Variants in RIMS1 observed in about 807,000 individuals in gnomAD.
RIMS1 encodes the protein regulating synaptic membrane exocytosis protein 1.
Under a neutral mutation model 214.1 loss-of-function variants are expected in RIMS1, and 83 were observed. The ratio of observed to expected loss-of-function variants is 0.39; its 90% CI spans 0.32 to 0.47. The LOEUF is 0.47. Among genes scored for constraint, RIMS1 ranks in the 20% least tolerant of loss-of-function variants. The pLI, the probability that RIMS1 is intolerant of heterozygous loss-of-function variation, is 0.99. For missense variants in RIMS1, 2,050 were observed against 2,161.8 expected, an observed-to-expected ratio of 0.95 and a Z score of 1.03; for synonymous variants, 793 against 786.8, an observed-to-expected ratio of 1.01 and a Z score of -0.13.
chr6:72,250,837 A>G (rs953223220), intron 13 of RIMS1, 84 bp from the exon 14 acceptor site: 15 of 694,504 alleles, frequency 2.2e-5, no homozygotes, highest in Non-Finnish European at 3.3e-5. Context: ...AATAATATAA[A>G]TATCAATGGC....
intron 2 of RIMS1, among the ~76,000 whole-genome samples, chr6:71,988,825 A>T (rs2151574443): frequency 6.6e-6 from 1 of 152,326 alleles, no homozygotes; most frequent in East Asian, 1.9e-4. Context: ...AAACATAGGA[A>T]TGGGATATTT....
intron 4 of RIMS1, among the ~76,000 whole-genome samples, chr6:72,139,710 AG>A (rs2041850869): frequency 6.6e-6 from 1 of 152,116 alleles, no homozygotes; most frequent in Non-Finnish European, 1.5e-5. Flanking sequence ...TAATATATAT[AG>A]TTCTTTATTT....
intron 1 of RIMS1, among the ~76,000 whole-genome samples, chr6:71,952,830 A>G (rs1790045372): frequency 6.6e-6 from 1 of 152,104 alleles, no homozygotes; most frequent in South Asian, 2.1e-4. Context: ...ATGCTTCCTC[A>G]GGTTGGCTGG....
chr6:72,127,862 C>T (rs781198811), intron 4 of RIMS1, among the ~76,000 whole-genome samples: 14 of 152,170 alleles, frequency 9.2e-5, no homozygotes, highest in African/African-American at 2.4e-4. Flanking sequence ...ATAAATCTTA[C>T]GCTTACATAC....
intron 2 of RIMS1, among the ~76,000 whole-genome samples, chr6:72,065,164 G>A (rs1828971893): frequency 6.6e-6 from 1 of 152,260 alleles, no homozygotes; most frequent in African/African-American, 2.4e-5. Flanking sequence ...CAAAAAGAGA[G>A]CGATTTGGAG....
At chr6:71,928,594 T>A (rs1163753196) in intron 1 of RIMS1, among the ~76,000 whole-genome samples, 2 of 152,140 alleles carry the variant, frequency 1.3e-5, no homozygotes, top group African/African-American at 4.8e-5. Context: ...TTCACTCAAA[T>A]AACATTTATA....
In RIMS1 at chr6:72,325,432, A is replaced by C. The variant is rs147745834; in HGVS notation, c.4131-8168A>C. Among the ~76,000 whole-genome samples, 5 of 151,292 alleles carry C rather than the reference A, an allele frequency of 3.3e-5. No homozygotes were observed. The East Asian group carries it at 9.7e-4, about 29-fold the overall frequency. ...ATTTACATATATTCAATCCACTAAA[A>C]GAACCTAGAAGTCTATATAAATATA... On this transcript the variant is annotated intron_variant, in intron 28 of 33. Transcript: ENST00000521978.
chr6:72,152,855 G>T (rs1285636747), intron 4 of RIMS1, among the ~76,000 whole-genome samples: 2 of 83,286 alleles, frequency 2.4e-5, no homozygotes, highest in African/African-American at 5.2e-5. Flanking sequence ...TGGAATATAT[G>T]TATATATATG....
At chr6:72,179,318 T>G (rs1173946306) in intron 4 of RIMS1, 1 of 445,692 alleles carries the variant, frequency 2.2e-6, no homozygotes, top group African/African-American at 2.0e-5. Context: ...AAAAGGAAAT[T>G]CAGAATAATC....
intron 23 of RIMS1, among the ~76,000 whole-genome samples, chr6:72,282,952 A>G (rs970998305): frequency 1.3e-5 from 2 of 152,068 alleles, no homozygotes; most frequent in Admixed American, 6.6e-5. Flanking sequence ...GCGAAAGCGG[A>G]AGAGATTGGG....
In RIMS1 at chr6:72,179,812, G is replaced by A. The variant is rs1344104997; in HGVS notation, c.709G>A (p.Ala237Thr). The A allele has an allele frequency of 5.0e-6, 8 of 1,613,536 alleles. No individual in the cohort carries two copies. The highest frequency in any genetic ancestry group is 2.2e-5 in the East Asian group (1 of 44,882). ...CTCCCAGGATGCTGCTCCTCCCAGC[G>A]CACCACCAGACAGGAGCAAAGGGGC... Reference protein sequence around the residue: ...ASSQDAAPPSAPPDRSKGAEP... With the variant: ...ASSQDAAPPSTPPDRSKGAEP... Residue 237 changes from alanine (A) to threonine (T), a missense_variant, in exon 5 of 34, where the codon GCA (alanine) becomes ACA (threonine). Ala to Thr is a moderately conservative substitution (Grantham distance 58). This residue lies in a region of RIMS1 where 882 missense variants were observed against 828.9 expected (regional missense o/e 1.06). Transcript: ENST00000521978.
chr6:72,354,219 CAAT>C (rs777599031), intron 29 of RIMS1, among the ~76,000 whole-genome samples: 1 of 151,724 alleles, frequency 6.6e-6, no homozygotes, highest in Non-Finnish European at 1.5e-5. Flanking sequence ...GACTCCGTCT[CAAT>C]AAATAAATAA....
At chr6:72,281,835 C>T (rs1417663628) in intron 23 of RIMS1, among the ~76,000 whole-genome samples, 1 of 152,040 alleles carries the variant, frequency 6.6e-6, no homozygotes, top group Non-Finnish European at 1.5e-5. Flanking sequence ...CCCTGGTTTA[C>T]TTTTGTTGTT....
At chr6:72,400,447 G>A (rs1338154253) in intron 33 of RIMS1, 49 bp from the exon 34 acceptor site, 4 of 1,531,506 alleles carry the variant, frequency 2.6e-6, no homozygotes, top group South Asian at 2.2e-5. Flanking sequence ...CCCTTCGAAT[G>A]TGAAGCAGAG....
intron 6 of RIMS1, among the ~76,000 whole-genome samples, chr6:72,224,409 G>T (rs1186869086): frequency 6.6e-6 from 1 of 152,136 alleles, no homozygotes; most frequent in African/African-American, 2.4e-5. Flanking sequence ...TAGTTATTGT[G>T]AAGTCATATA....
chr6:71,908,710 C>T (rs900728390), intron 1 of RIMS1, among the ~76,000 whole-genome samples: 2 of 152,186 alleles, frequency 1.3e-5, no homozygotes, highest in African/African-American at 4.8e-5. Flanking sequence ...TGAACACCCC[C>T]TGTTATTTTC....
chr6:72,125,954 G>A (rs139790376), intron 4 of RIMS1, among the ~76,000 whole-genome samples: 247 of 152,304 alleles, frequency 1.6e-3, no homozygotes, highest in African/African-American at 4.9e-3. Context: ...TGGGTGAGGC[G>A]ACCCCCTGCC....
intron 2 of RIMS1, among the ~76,000 whole-genome samples, chr6:71,995,428 G>A (rs1317977735): frequency 1.3e-5 from 2 of 148,422 alleles, no homozygotes; most frequent in African/African-American, 5.0e-5. Context: ...TCTGGTTTCT[G>A]ATTATTTTAA....
At position 72,186,779 on chromosome 6, in the gene RIMS1, AC is replaced by A. The variant is rs11382729; in HGVS notation, c.1678+3639del. 4.4e-4 allele frequency among the ~76,000 whole-genome samples: 66 copies of A among 148,424 alleles called. 1 individual carries two copies. In the South Asian group the frequency reaches 4.7e-3, roughly 11 times the overall value. ...ATGTCCGAACTGCATGTATATATGT[AC>A]CCCCCCCCATATATATGTGTCCGAA... On this transcript the variant is annotated intron_variant, in intron 6 of 33. Transcript: ENST00000521978.
Sources: allele counts gnomAD v4.1 joint callset (sites outside exome capture counted in the v4.1 genomes callset), GRCh38; gene constraint gnomAD v4.1.1; regional missense constraint gnomAD v4.1.1; transcripts MANE v1.5; gene names NCBI Gene and HGNC (gene_info 2026-07-23, HGNC 2026-07-21).